The following NUP98 variants were observed in gnomAD, a reference collection of about 807,000 sequenced individuals.
NUP98 encodes nuclear pore complex protein Nup98-Nup96.
Under a neutral mutation model 191.9 loss-of-function variants are expected in NUP98, and 26 were observed. The ratio of observed to expected loss-of-function variants is 0.14; its 90% CI spans 0.10 to 0.19. The LOEUF (loss-of-function observed/expected upper bound fraction) is 0.19. Among genes scored for constraint, NUP98 ranks in the 10% least tolerant of loss-of-function variants. The probability of loss-of-function intolerance (pLI) is 1.00; values close to 1 mark genes in which losing one functional copy is unlikely to be tolerated. For synonymous variants in NUP98, 808 were observed against 778.4 expected (o/e 1.04, Z -0.63); for missense variants, 1,941 against 2,178.8 (o/e 0.89, Z 2.17).
At chr11:3,755,691 G>A (rs547076890) in intron 10 of NUP98, among the ~76,000 whole-genome samples, 2 of 152,070 alleles carry the variant, frequency 1.3e-5, no homozygotes, top group Admixed American at 6.5e-5. Context: ...CAGGCCGGGC[G>A]CAGTGGCTCA....
At chr11:3,759,142 A>G (rs2081078078) in intron 10 of NUP98, among the ~76,000 whole-genome samples, 1 of 152,116 alleles carries the variant, frequency 6.6e-6, no homozygotes, top group East Asian at 1.9e-4. Flanking sequence ...TTTGTACTCA[A>G]CTCCTAAAAA....
rs978866329 is a variant in NUP98, at chr11:3,797,487, C to G, written c.-116G>C. 1.9e-5 allele frequency: 8 copies of G among 431,238 alleles called. No individual in the cohort carries two copies. In the Admixed American group the frequency reaches 2.6e-4, roughly 14 times the overall value. 26.7% of individuals were successfully genotyped at this position (431,238 alleles called of 1,614,324 possible). A position where few individuals can be genotyped will look rare whatever the true frequency, so the allele number is the denominator to read the frequency against. On this transcript the variant is annotated 5_prime_UTR_variant, in exon 1 of 33. Transcript: ENST00000324932. ...CAGCGCGCGGCCCCCACGAAACCGT[C>G]GCCGCCGCCGCTACCACCCCTGCCA...
chr11:3,764,242 T>C (rs1670740185), intron 8 of NUP98, among the ~76,000 whole-genome samples: 1 of 152,236 alleles, frequency 6.6e-6, no homozygotes, highest in Admixed American at 6.5e-5. Flanking sequence ...AGTTAGCACA[T>C]TTTCAAGGTT....
At chr11:3,792,765 T>C (rs1036638371) in intron 1 of NUP98, among the ~76,000 whole-genome samples, 1 of 152,218 alleles carries the variant, frequency 6.6e-6, no homozygotes, top group South Asian at 2.1e-4. Context: ...TGGTTTTTAA[T>C]ACAACAGAAT....
chr11:3,752,747 T>C (rs2080811222), intron 11 of NUP98, among the ~76,000 whole-genome samples: 1 of 152,192 alleles, frequency 6.6e-6, no homozygotes, highest in African/African-American at 2.4e-5. Context: ...AACACTTATA[T>C]ATTTTATGAC....
Position 3,683,182 on chromosome 11 carries a change from G to A in NUP98, c.4918+18C>T. ...GGAATTTGGGGTGATTCCAGGAGAT[G>A]TGGAACCCAGCACTCACCAGAAGCT... On this transcript the variant is annotated intron_variant, in intron 30 of 32. Transcript: ENST00000324932. 6.2e-7 allele frequency: 1 copy of A among 1,613,714 alleles called. No homozygotes were observed. Among genetic ancestry groups the A allele is most frequent in the Non-Finnish European group, 8.5e-7 (1 of 1,179,648 alleles).
chr11:3,791,952 A>G lies in NUP98; in HGVS notation c.-29+5448T>C, dbSNP rs374366256. 5.2e-4 allele frequency among the ~76,000 whole-genome samples: 78 copies of G among 150,932 alleles called. No individual in the cohort carries two copies. In the South Asian group the frequency reaches 0.015, roughly 29 times the overall value. ...CCCAGGACTTTGGGAGGCGGAGGTG[A>G]GCGGATCACGAGGTCAGGAGATCGA... On this transcript the variant is annotated intron_variant, in intron 1 of 32. Coordinates refer to ENST00000324932, the MANE Select transcript of NUP98 (RefSeq NM_016320.5).
intron 26 of NUP98, 51 bp from the exon 27 acceptor site, chr11:3,693,426 T>G: frequency 6.4e-7 from 1 of 1,568,654 alleles, no homozygotes; most frequent in Non-Finnish European, 8.7e-7. Flanking sequence ...TGTTATTACC[T>G]GTGTGTGCAA....
intron 10 of NUP98, among the ~76,000 whole-genome samples, chr11:3,755,476 A>C (rs2080927703): frequency 6.6e-6 from 1 of 152,006 alleles, no homozygotes; most frequent in Admixed American, 6.6e-5. Flanking sequence ...AAAAGAAAAA[A>C]AAAATCATGG....
intron 9 of NUP98, 95 bp downstream of exon 9, chr11:3,762,807 T>C: frequency 2.2e-6 from 3 of 1,382,936 alleles, no homozygotes; most frequent in East Asian, 2.3e-5. Context: ...ATACACCCAA[T>C]AAAAATACCT....
At chr11:3,713,088 A>T (rs2079068467) in intron 19 of NUP98, among the ~76,000 whole-genome samples, 1 of 152,220 alleles carries the variant, frequency 6.6e-6, no homozygotes, top group South Asian at 2.1e-4. Context: ...TAAATAATTC[A>T]ACCAGCCTAG....
chr11:3,754,361 G>A (rs976882916), intron 10 of NUP98, among the ~76,000 whole-genome samples: 1 of 152,160 alleles, frequency 6.6e-6, no homozygotes, highest in Non-Finnish European at 1.5e-5. Flanking sequence ...GGGAGACGGG[G>A]GTTGCAGTGA....
chr11:3,765,464 C>T (rs570189009), intron 8 of NUP98, among the ~76,000 whole-genome samples: 2 of 152,250 alleles, frequency 1.3e-5, no homozygotes, highest in African/African-American at 4.8e-5. Context: ...AACTAGGTTT[C>T]TTCTAACAGT....
intron 14 of NUP98, among the ~76,000 whole-genome samples, chr11:3,726,155 A>C (rs1315959266): frequency 1.3e-5 from 2 of 152,194 alleles, no homozygotes; most frequent in Non-Finnish European, 2.9e-5. Context: ...CAAATTTCTA[A>C]GAATTGCTAT....
At chr11:3,716,338 ATT>A (rs78559016) in intron 18 of NUP98, among the ~76,000 whole-genome samples, 8 of 145,448 alleles carry the variant, frequency 5.5e-5, no homozygotes, top group Non-Finnish European at 7.6e-5. Context: ...CGATCAAATA[ATT>A]TTTTTTTTTT....
At chr11:3,687,791 G>T (rs2078173592) in intron 28 of NUP98, among the ~76,000 whole-genome samples, 2 of 152,258 alleles carry the variant, frequency 1.3e-5, no homozygotes, top group Non-Finnish European at 2.9e-5. Context: ...GCCGGGTGCG[G>T]TGGCTCACGC....
At chr11:3,734,666 G>A (rs895324570) in intron 13 of NUP98, among the ~76,000 whole-genome samples, 7 of 152,200 alleles carry the variant, frequency 4.6e-5, no homozygotes, top group Non-Finnish European at 8.8e-5. Context: ...AGAGATTAAA[G>A]ACAAAGCTAT....
chr11:3,723,305 ACTGTTG>A lies in NUP98; in HGVS notation c.1992_1997del (p.Asn665_Ser666del), dbSNP rs1564844907. 5 of 1,613,956 alleles carry A rather than the reference ACTGTTG, an allele frequency of 3.1e-6. No individual in the cohort carries two copies. The African/African-American group carries it at 4.0e-5, about 13-fold the overall frequency. On this transcript the variant is annotated inframe_deletion, in exon 16 of 33. Transcript: ENST00000324932. ...TTAATGCAACAATGGTATCATCCACACTGTTGCTGTTGCTGTGTTTATTTCCAGCAC... is the reference window on the plus strand; with the variant it reads ...TTAATGCAACAATGGTATCATCCACACTGTTGCTGTGTTTATTTCCAGCAC...
At chr11:3,698,490 G>A (rs1264446947) in intron 25 of NUP98, among the ~76,000 whole-genome samples, 1 of 151,866 alleles carries the variant, frequency 6.6e-6, no homozygotes, top group Admixed American at 6.6e-5. Flanking sequence ...CACTTTGGGA[G>A]GCCAAGGTGG....
Sources: gnomAD v4.1 joint callset for allele counts (sites outside exome capture counted in the v4.1 genomes callset) on GRCh38, gnomAD v4.1.1 for gene constraint, MANE v1.5 for transcripts, NCBI Gene and HGNC (gene_info 2026-07-23, HGNC 2026-07-21) for gene names.